CHN2: variants seen among roughly 807,000 people sequenced by gnomAD.
The protein encoded by CHN2 is chimerin 2.
A neutral mutation model predicts 56.3 loss-of-function variants in CHN2; 35 were observed. The ratio of observed to expected loss-of-function variants is 0.62; its 90% CI spans 0.47 to 0.82. The LOEUF (loss-of-function observed/expected upper bound fraction) is 0.82, where lower values mean the gene tolerates loss of function less well. Ranked by LOEUF, CHN2 falls within the 40% of genes least tolerant of loss-of-function variation. The pLI, the probability that CHN2 is intolerant of heterozygous loss-of-function variation, is 0.00. For synonymous variants in CHN2, 210 were observed against 212.8 expected, an observed-to-expected ratio of 0.99 and a Z score of 0.12; for missense variants, 491 against 580.5, an observed-to-expected ratio of 0.85 and a Z score of 1.58.
chr7:29,506,081 T>C (rs1223118189), intron 10 of CHN2, among the ~76,000 whole-genome samples: 1 of 152,208 alleles, frequency 6.6e-6, no homozygotes, highest in Non-Finnish European at 1.5e-5. Flanking sequence ...AAAAATGTCA[T>C]AGTCTGTGAC....
At chr7:29,308,138 A>G (rs1465369379) in intron 1 of CHN2, among the ~76,000 whole-genome samples, 4 of 152,212 alleles carry the variant, frequency 2.6e-5, no homozygotes, top group African/African-American at 9.6e-5. Flanking sequence ...ATTGTTGTCT[A>G]CAAGCTCCTG....
intron 1 of CHN2, among the ~76,000 whole-genome samples, chr7:29,252,413 C>A (rs1788634388): frequency 6.6e-6 from 1 of 151,336 alleles, no homozygotes; most frequent in Non-Finnish European, 1.5e-5. Flanking sequence ...TGGTCTCAAA[C>A]TCCTGACCTC....
chr7:29,455,275 C>T (rs1390125909), intron 6 of CHN2, among the ~76,000 whole-genome samples: 3 of 152,190 alleles, frequency 2.0e-5, no homozygotes, highest in Admixed American at 6.5e-5. Context: ...GTACAATTCC[C>T]TAGTTTGCTG....
At chr7:29,473,482 T>TTTTTTTTTTTTTG (rs539151442) in intron 6 of CHN2, among the ~76,000 whole-genome samples, 3 of 118,196 alleles carry the variant, frequency 2.5e-5, no homozygotes, top group African/African-American at 9.9e-5. Flanking sequence ...TTTTTTTTTT[T>TTTTTTTTTTTTTG]TGTGTGTGTG....
upstream of CHN2, chr7:29,192,226 C>G (rs1012819751): frequency 2.6e-5 from 4 of 152,282 alleles, no homozygotes; most frequent in African/African-American, 9.7e-5. Context: ...AAACATGAGT[C>G]TCAGCTTTTT....
At chr7:29,253,584 G>A (rs1165919538) in intron 1 of CHN2, among the ~76,000 whole-genome samples, 6 of 152,190 alleles carry the variant, frequency 3.9e-5, no homozygotes, top group Non-Finnish European at 7.3e-5. Context: ...AAGGGACTCT[G>A]GAATAGGTGG....
intron 12 of CHN2, among the ~76,000 whole-genome samples, chr7:29,511,300 G>A (rs1161168116): frequency 1.4e-5 from 2 of 144,408 alleles, no homozygotes; most frequent in Non-Finnish European, 1.5e-5. Context: ...ACTGAATTTA[G>A]GAGTGCAAGT....
At chr7:29,290,467 A>G (rs1479094467) in intron 1 of CHN2, among the ~76,000 whole-genome samples, 2 of 152,220 alleles carry the variant, frequency 1.3e-5, no homozygotes, top group Non-Finnish European at 2.9e-5. Context: ...TTCATGGAAG[A>G]AGACCATCTC....
At chr7:29,251,945 C>T (rs1788552968) in intron 1 of CHN2, among the ~76,000 whole-genome samples, 1 of 152,050 alleles carries the variant, frequency 6.6e-6, no homozygotes, top group South Asian at 2.1e-4. Context: ...ATATCCATCT[C>T]AAAAATCTTA....
intron 1 of CHN2, among the ~76,000 whole-genome samples, chr7:29,329,919 C>G (rs1486188346): frequency 6.6e-6 from 1 of 152,156 alleles, no homozygotes; most frequent in East Asian, 1.9e-4. Context: ...TTTCTGAACT[C>G]CCAGAGCTCT....
Position 29,330,131 on chromosome 7 carries a change from C to T in CHN2, c.50-24494C>T, listed in dbSNP as rs118178149. On this transcript the variant is annotated intron_variant, in intron 1 of 12. Transcript: ENST00000222792. Reference sequence around the variant, plus strand: ...GATTTTATGTATTTAATCACATTTACTGATGTAACCCATTTCTTATTGAAA... The same window carrying T: ...GATTTTATGTATTTAATCACATTTATTGATGTAACCCATTTCTTATTGAAA... Among the ~76,000 whole-genome samples, 1,164 of 152,360 alleles carry T rather than the reference C, an allele frequency of 7.6e-3. 4 individuals carry two copies. Among genetic ancestry groups the T allele is most frequent in the Admixed American group, 0.015 (235 of 15,304 alleles).
intron 2 of CHN2, among the ~76,000 whole-genome samples, chr7:29,188,919 C>G (rs1487004263): frequency 6.6e-6 from 1 of 151,692 alleles, no homozygotes; most frequent in Non-Finnish European, 1.5e-5. Flanking sequence ...GTAGGATCCC[C>G]CACAGCAAGG....
chr7:29,456,651 C>T (rs1784791656), intron 6 of CHN2, among the ~76,000 whole-genome samples: 1 of 143,044 alleles, frequency 7.0e-6, no homozygotes, highest in African/African-American at 2.5e-5. Context: ...CCTCTTCTCG[C>T]CATTCTGATG....
In CHN2 at chr7:29,273,380, TATATATATAC is replaced by T. The variant is rs1454632944; in HGVS notation, c.49+78392_49+78401del. On this transcript the variant is annotated intron_variant, in intron 1 of 12. Coordinates refer to ENST00000222792, the MANE Select transcript of CHN2 (RefSeq NM_004067.4). ...ATATATATATATATATATATATATA[TATATATATAC>T]ACACACCACATTTTCTTTATTGGTT... Among the ~76,000 whole-genome samples, 176 of 60,854 alleles carry T rather than the reference TATATATATAC, an allele frequency of 2.9e-3. 9 individuals are homozygous for T. Among genetic ancestry groups the T allele is most frequent in the Admixed American group, 4.3e-3 (19 of 4,392 alleles). The allele number at this position is 60,854 out of a possible 152,430, so 39.9% of individuals were successfully genotyped here. A position where few individuals can be genotyped will look rare whatever the true frequency, so the allele number is the denominator to read the frequency against.
intron 9 of CHN2, 90 bp from the exon 10 acceptor site, chr7:29,504,654 T>TA: frequency 1.3e-6 from 1 of 793,380 alleles, no homozygotes; most frequent in Non-Finnish European, 2.1e-6. Flanking sequence ...CATTTTCTGA[T>TA]AGCATGTAGT....
At chr7:29,249,282 G>A (rs1205505308) in intron 1 of CHN2, among the ~76,000 whole-genome samples, 2 of 152,178 alleles carry the variant, frequency 1.3e-5, no homozygotes, top group African/African-American at 4.8e-5. Context: ...CGGGGCTGCT[G>A]GTGTAAGTTC....
At chr7:29,226,708 T>C (rs1367899097) in intron 1 of CHN2, among the ~76,000 whole-genome samples, 1 of 152,250 alleles carries the variant, frequency 6.6e-6, no homozygotes, top group Admixed American at 6.5e-5. Context: ...TCGAATTTCC[T>C]CTGGAATTAT....
intron 1 of CHN2, among the ~76,000 whole-genome samples, chr7:29,320,445 A>G (rs1308403713): frequency 1.3e-5 from 2 of 152,130 alleles, no homozygotes; most frequent in Non-Finnish European, 2.9e-5. Context: ...TGGCTTTTTG[A>G]TGGCCTCCCC....
At chr7:29,476,439 A>T (rs535891422) in intron 6 of CHN2, among the ~76,000 whole-genome samples, 28 of 152,008 alleles carry the variant, frequency 1.8e-4, no homozygotes, top group Non-Finnish European at 4.0e-4. Flanking sequence ...TGGGAGTCTG[A>T]CGCAAGAGAA....
Sources: gnomAD v4.1 joint callset for allele counts (sites outside exome capture counted in the v4.1 genomes callset) on GRCh38, gnomAD v4.1.1 for gene constraint, MANE v1.5 for transcripts, NCBI Gene and HGNC (gene_info 2026-07-23, HGNC 2026-07-21) for gene names.